ERC2: variants seen among roughly 807,000 people sequenced by gnomAD.
ERC2 encodes ELKS/RAB6-interacting/CAST family member 2.
In ERC2, 42 loss-of-function variants were observed where a neutral mutation model predicts 114.8. The ratio of observed to expected loss-of-function variants is 0.37; its 90% CI spans 0.29 to 0.47. ERC2 has a LOEUF of 0.47. Ranked by LOEUF, ERC2 falls within the 20% of genes least tolerant of loss-of-function variation. ERC2 has a pLI of 0.99. For missense variants in ERC2, 939 were observed against 1,150.7 expected, an observed-to-expected ratio of 0.82 and a Z score of 2.66; for synonymous variants, 454 against 425.5, an observed-to-expected ratio of 1.07 and a Z score of -0.82.
intron 2 of ERC2, 169 bp downstream of exon 2, chr3:56,434,182 G>T: frequency 3.5e-6 from 2 of 570,890 alleles, no homozygotes; most frequent in Non-Finnish European, 6.1e-6. Context: ...AAGCTGTAAT[G>T]GTATATTTCC....
chr3:55,759,301 A>T (rs556496008), intron 14 of ERC2, among the ~76,000 whole-genome samples: 71 of 152,204 alleles, frequency 4.7e-4, no homozygotes, highest in African/African-American at 1.7e-3. Context: ...ACAGCTTTCT[A>T]GATTCTTCGC....
intron 17 of ERC2, among the ~76,000 whole-genome samples, chr3:55,592,403 C>T (rs114081269): frequency 2.2e-3 from 342 of 152,310 alleles, no homozygotes; most frequent in African/African-American, 7.8e-3. Context: ...CCTCTGCCCT[C>T]TCCTTCTGGG....
At chr3:56,302,550 C>T (rs1171826416) in intron 2 of ERC2, among the ~76,000 whole-genome samples, 1 of 152,204 alleles carries the variant, frequency 6.6e-6, no homozygotes, top group African/African-American at 2.4e-5. Flanking sequence ...AGCCACAGCA[C>T]CTTCTCTCTG....
chr3:56,227,748 C>A (rs999133403), intron 3 of ERC2, among the ~76,000 whole-genome samples: 6 of 152,200 alleles, frequency 3.9e-5, no homozygotes, highest in African/African-American at 1.4e-4. Context: ...TTAGCAGTAT[C>A]TACCAAACTA....
intron 7 of ERC2, among the ~76,000 whole-genome samples, chr3:56,050,920 C>A: frequency 6.6e-6 from 1 of 152,136 alleles, no homozygotes; most frequent in Non-Finnish European, 1.5e-5. Context: ...ATTAGGTAGG[C>A]AGAAGCAGCT....
chr3:55,974,961 C>T (rs2069467222), intron 12 of ERC2, among the ~76,000 whole-genome samples: 1 of 152,168 alleles, frequency 6.6e-6, no homozygotes, highest in Non-Finnish European at 1.5e-5. Context: ...CCTATGGTCC[C>T]AGGAGTGCTT....
intron 14 of ERC2, among the ~76,000 whole-genome samples, chr3:55,767,486 C>G (rs1020161987): frequency 6.6e-5 from 10 of 152,126 alleles, no homozygotes; most frequent in African/African-American, 2.4e-4. Flanking sequence ...GGACAGACGC[C>G]CAGCTCCACT....
chr3:55,972,114 C>T (rs2069203172), intron 12 of ERC2, among the ~76,000 whole-genome samples: 1 of 151,994 alleles, frequency 6.6e-6, no homozygotes, highest in African/African-American at 2.4e-5. Flanking sequence ...AGTCATCCAA[C>T]AAAATATTTC....
chr3:56,249,389 A>G (rs915111572), intron 3 of ERC2, among the ~76,000 whole-genome samples: 12 of 151,840 alleles, frequency 7.9e-5, no homozygotes, highest in African/African-American at 1.7e-4. Context: ...GCAGTGGTGC[A>G]ATCTCAGCTC....
In ERC2 at chr3:55,638,739, G is replaced by C. The variant is rs143977787; in HGVS notation, c.*39+45055C>G. ...TTGGCTGGTTACCAGGTTTTAAATT[G>C]ACTTCCTTAAGGGTGGATAGGGCTG... On this transcript the variant is annotated intron_variant, in intron 17 of 17. Transcript: ENST00000288221. Among the ~76,000 whole-genome samples the C allele has an allele frequency of 4.5e-3, 679 of 152,248 alleles. 5 individuals are homozygous for C. Among genetic ancestry groups the C allele is most frequent in the African/African-American group, 0.015 (638 of 41,536 alleles).
chr3:55,599,509 G>T (rs896775911), intron 17 of ERC2, among the ~76,000 whole-genome samples: 1 of 152,154 alleles, frequency 6.6e-6, no homozygotes, highest in African/African-American at 2.4e-5. Flanking sequence ...CTGGATCATG[G>T]TTCATTATGT....
intron 14 of ERC2, among the ~76,000 whole-genome samples, chr3:55,855,709 T>C (rs1200463550): frequency 6.6e-6 from 1 of 152,228 alleles, no homozygotes; most frequent in Non-Finnish European, 1.5e-5. Flanking sequence ...AAGGAAACTA[T>C]ATAGCTTATT....
At chr3:56,403,080 A>G (rs530593006) in intron 2 of ERC2, among the ~76,000 whole-genome samples, 116 of 152,296 alleles carry the variant, frequency 7.6e-4, no homozygotes, top group African/African-American at 2.6e-3. Context: ...CACTGTGTTA[A>G]GTAGATTAAC....
intron 17 of ERC2, among the ~76,000 whole-genome samples, chr3:55,626,825 G>A (rs1477415769): frequency 6.6e-6 from 1 of 152,182 alleles, no homozygotes; most frequent in Admixed American, 6.5e-5. Flanking sequence ...CCTTCAACAC[G>A]TTCAGAGCCA....
chr3:55,955,162 G>C (rs2067854138), intron 12 of ERC2: 3 of 516,568 alleles, frequency 5.8e-6, no homozygotes, highest in African/African-American at 5.8e-5. Flanking sequence ...CTCCACACCA[G>C]TCTATAAAAA....
At chr3:55,532,131 C>T (rs1331383807) in intron 17 of ERC2, among the ~76,000 whole-genome samples, 1 of 152,188 alleles carries the variant, frequency 6.6e-6, no homozygotes, top group Non-Finnish European at 1.5e-5. Flanking sequence ...TATCAAGGGC[C>T]ATTTCAAAGT....
intron 14 of ERC2, among the ~76,000 whole-genome samples, chr3:55,777,421 C>T (rs1487539501): frequency 6.6e-6 from 1 of 152,192 alleles, no homozygotes; most frequent in Non-Finnish European, 1.5e-5. Context: ...CCCCTCAGAC[C>T]ATCTCTAGAT....
Position 55,852,088 on chromosome 3 carries a change from C to A in ERC2, c.2564+36301G>T, listed in dbSNP as rs575807316. Among the ~76,000 whole-genome samples the A allele has an allele frequency of 5.5e-4, 84 of 152,216 alleles. No individual in the cohort carries two copies. The Middle Eastern group carries it at 0.017, about 31-fold the overall frequency. ...AATACAAAATTAGCTGGCGTGGTGGCGCATTCTTCTAATCCCAGCTACTCA... is the reference window on the plus strand; with the variant it reads ...AATACAAAATTAGCTGGCGTGGTGGAGCATTCTTCTAATCCCAGCTACTCA... On this transcript the variant is annotated intron_variant, in intron 14 of 17. Transcript: ENST00000288221.
At chr3:55,651,905 G>A (rs534146666) in intron 17 of ERC2, among the ~76,000 whole-genome samples, 7 of 152,302 alleles carry the variant, frequency 4.6e-5, no homozygotes, top group African/African-American at 1.4e-4. Flanking sequence ...CCAGCAGCTC[G>A]GAATGCTGTT....
Sources: gnomAD v4.1 joint callset for allele counts (sites outside exome capture counted in the v4.1 genomes callset) on GRCh38, gnomAD v4.1.1 for gene constraint, MANE v1.5 for transcripts, NCBI Gene and HGNC (gene_info 2026-07-23, HGNC 2026-07-21) for gene names.